The following PTPRC variants were observed in gnomAD, a reference collection of about 807,000 sequenced individuals.
PTPRC encodes protein tyrosine phosphatase receptor type C.
A neutral mutation model predicts 155.9 loss-of-function variants in PTPRC; 44 were observed. The observed-to-expected ratio is 0.28, with a 90% CI of 0.22 to 0.36. The LOEUF (loss-of-function observed/expected upper bound fraction) is 0.36, where lower values mean the gene tolerates loss of function less well. PTPRC is among the 10% of genes least tolerant of loss of function. The probability of loss-of-function intolerance (pLI) is 1.00; values close to 1 mark genes in which losing one functional copy is unlikely to be tolerated. For missense variants in PTPRC, 1,401 were observed against 1,564.6 expected (o/e 0.90, Z 1.76); for synonymous variants, 525 against 533.1 (o/e 0.98, Z 0.21).
intron 2 of PTPRC, among the ~76,000 whole-genome samples, chr1:198,677,259 A>C (rs1284292187): frequency 5.9e-5 from 9 of 152,186 alleles, no homozygotes; most frequent in African/African-American, 1.9e-4. Flanking sequence ...TTAATCACCT[A>C]CTGAAAGCTC....
At chr1:198,750,896 C>T (rs1558039793) in intron 29 of PTPRC, among the ~76,000 whole-genome samples, 1 of 152,008 alleles carries the variant, frequency 6.6e-6, no homozygotes, top group East Asian at 1.9e-4. Flanking sequence ...CAGCAAATAA[C>T]AGCTACATTT....
At chr1:198,673,538 A>G (rs1249507660) in intron 2 of PTPRC, among the ~76,000 whole-genome samples, 1 of 152,170 alleles carries the variant, frequency 6.6e-6, no homozygotes, top group Non-Finnish European at 1.5e-5. Context: ...TCAGTCAAAT[A>G]ATGGTCATTT....
intron 22 of PTPRC, 49 bp from the exon 23 acceptor site, chr1:198,735,078 A>T: frequency 2.0e-6 from 3 of 1,465,246 alleles, no homozygotes; most frequent in Non-Finnish European, 2.8e-6. Context: ...TTGATAAAAA[A>T]TTGGCTTAAA....
At chr1:198,684,084 T>G (rs1312350577) in intron 2 of PTPRC, among the ~76,000 whole-genome samples, 1 of 151,738 alleles carries the variant, frequency 6.6e-6, no homozygotes, top group African/African-American at 2.4e-5. Context: ...AGACTTCAAT[T>G]TGACCATCAT....
intron 22 of PTPRC, among the ~76,000 whole-genome samples, chr1:198,734,706 T>C (rs1246194706): frequency 6.6e-6 from 1 of 151,808 alleles, no homozygotes; most frequent in African/African-American, 2.4e-5. Flanking sequence ...AAGTTCAGTA[T>C]ATTTCACTGT....
At chr1:198,695,644 C>T (rs1213654935) in intron 3 of PTPRC, among the ~76,000 whole-genome samples, 1 of 152,028 alleles carries the variant, frequency 6.6e-6, no homozygotes, top group East Asian at 1.9e-4. Context: ...GTCAACTGTG[C>T]ATAAACTTAT....
chr1:198,709,560 G>T lies in PTPRC; in HGVS notation c.1034-127G>T, dbSNP rs531902180. On this transcript the variant is annotated intron_variant, in intron 10 of 32. Transcript: ENST00000442510. Reference sequence around the variant, plus strand: ...TATTTTTAGGGTTTTTTATTATTTTGGTAATTTCCACAGATGTTTCAATCT... The same window carrying T: ...TATTTTTAGGGTTTTTTATTATTTTTGTAATTTCCACAGATGTTTCAATCT... The T allele has an allele frequency of 3.7e-6, 3 of 806,230 alleles. No homozygotes were observed. In the African/African-American group the frequency reaches 5.4e-5, roughly 15 times the overall value. The allele number at this position is 806,230 out of a possible 1,614,324, so 49.9% of individuals were successfully genotyped here.
chr1:198,753,565 T>C (rs1420392388), intron 31 of PTPRC, among the ~76,000 whole-genome samples: 1 of 152,028 alleles, frequency 6.6e-6, no homozygotes, highest in Non-Finnish European at 1.5e-5. Context: ...TTAAGAAATA[T>C]ATGAATTTTC....
intron 12 of PTPRC, among the ~76,000 whole-genome samples, chr1:198,715,283 C>T (rs988690746): frequency 2.6e-5 from 4 of 151,914 alleles, no homozygotes; most frequent in African/African-American, 4.8e-5. Flanking sequence ...CCACCACGCC[C>T]GGCTAATTTT....
At chr1:198,750,988 T>C (rs6669727) in intron 29 of PTPRC, among the ~76,000 whole-genome samples, 6,462 of 152,052 alleles carry the variant, frequency 0.042, 474 homozygotes, top group African/African-American at 0.15. Flanking sequence ...CACCCCCTCA[T>C]GTGTCTTTCA....
At chr1:198,749,084 A>AACTT (rs1558038468) in intron 27 of PTPRC, among the ~76,000 whole-genome samples, 1 of 151,744 alleles carries the variant, frequency 6.6e-6, no homozygotes, top group East Asian at 1.9e-4. Flanking sequence ...GTATTTTGTA[A>AACTT]ACTTATATCA....
At chr1:198,666,376 G>A (rs1664308233) in intron 2 of PTPRC, among the ~76,000 whole-genome samples, 2 of 151,978 alleles carry the variant, frequency 1.3e-5, no homozygotes, top group Admixed American at 6.6e-5. Context: ...GAAGGAGAAG[G>A]TAGGAACAAT....
chr1:198,703,311 T>C lies in PTPRC; in HGVS notation c.597T>C (p.Asn199=), dbSNP rs761486212. 9 of 1,613,198 alleles carry C rather than the reference T, an allele frequency of 5.6e-6. No individual in the cohort carries two copies. Among genetic ancestry groups the C allele is most frequent in the Non-Finnish European group, 7.6e-6 (9 of 1,180,046 alleles). ...ITANTSDAYL[N]ASETTTLSPS... The stretch of plus-strand genomic sequence containing the variant: ...ATTTTCTTGCAGATGCCTACCTTAA[T>C]GCCTCTGAAACAACCACTCTGAGCC... Residue 199 remains asparagine (N), a synonymous_variant, in exon 7 of 33, where the codon AAT becomes AAC. Coordinates refer to ENST00000442510, the MANE Select transcript of PTPRC (RefSeq NM_002838.5).
At chr1:198,695,225 C>T (rs536535494) in intron 3 of PTPRC, 2 of 862,260 alleles carry the variant, frequency 2.3e-6, no homozygotes, top group East Asian at 1.2e-4. Flanking sequence ...ATTCTTAACT[C>T]TTTCCTGTCC....
chr1:198,656,747 G>A (rs553690208), intron 2 of PTPRC, among the ~76,000 whole-genome samples: 2 of 151,594 alleles, frequency 1.3e-5, no homozygotes, highest in East Asian at 3.9e-4. Context: ...GAGGTGGCGT[G>A]GGGGAGCGGG....
At chr1:198,707,039 C>A in intron 9 of PTPRC, 87 bp downstream of exon 9, 1 of 1,125,406 alleles carries the variant, frequency 8.9e-7, no homozygotes, top group Non-Finnish European at 1.3e-6. Flanking sequence ...AGGAGCTAGT[C>A]TGGTGAGAGA....
intron 3 of PTPRC, chr1:198,693,875 T>A (rs1474766354): frequency 1.5e-5 from 16 of 1,086,778 alleles, no homozygotes; most frequent in Non-Finnish European, 1.8e-5. Flanking sequence ...AGAAGTAATC[T>A]TTAGGAATGC....
intron 2 of PTPRC, among the ~76,000 whole-genome samples, chr1:198,676,701 A>G (rs1280775355): frequency 1.3e-5 from 2 of 152,142 alleles, no homozygotes; most frequent in Non-Finnish European, 2.9e-5. Context: ...GCTTTTGATA[A>G]CATTTCTTTA....
intron 2 of PTPRC, among the ~76,000 whole-genome samples, chr1:198,647,431 A>G (rs896150031): frequency 6.6e-6 from 1 of 151,904 alleles, no homozygotes; most frequent in Non-Finnish European, 1.5e-5. Flanking sequence ...ATTCTTAAAA[A>G]CAATTTTGAT....
Sources: gnomAD v4.1 joint callset for allele counts (sites outside exome capture counted in the v4.1 genomes callset) on GRCh38, gnomAD v4.1.1 for gene constraint, MANE v1.5 for transcripts, NCBI Gene and HGNC (gene_info 2026-07-23, HGNC 2026-07-21) for gene names.